FHL2: variants seen among roughly 807,000 people sequenced by gnomAD.
FHL2 encodes the protein four and a half LIM domains protein 2.
A neutral mutation model predicts 32.7 loss-of-function variants in FHL2; 20 were observed. The observed-to-expected ratio is 0.61, with a 90% CI of 0.43 to 0.89. FHL2 has a LOEUF of 0.89. Ranked by LOEUF, FHL2 falls within the 40% of genes least tolerant of loss-of-function variation. The pLI, the probability that FHL2 is intolerant of heterozygous loss-of-function variation, is 0.00. For synonymous variants in FHL2, 123 were observed against 128.1 expected (o/e 0.96, Z 0.27); for missense variants, 311 against 358.6 (o/e 0.87, Z 1.07).
chr2:105,386,604 G>T, intron 2 of FHL2, 64 bp from the exon 3 acceptor site: 1 of 1,415,218 alleles, frequency 7.1e-7, no homozygotes. Context: ...GCACGCAAAG[G>T]CATTAACTGT....
intron 1 of FHL2, 132 bp from the exon 2 acceptor site, chr2:105,396,829 C>A: frequency 2.7e-6 from 2 of 735,900 alleles, no homozygotes; most frequent in South Asian, 1.9e-5. Flanking sequence ...CACAGAAGAA[C>A]CCAATGTCTA....
intron 6 of FHL2, among the ~76,000 whole-genome samples, chr2:105,362,828 A>G (rs1680372007): frequency 6.6e-6 from 1 of 152,238 alleles, no homozygotes; most frequent in African/African-American, 2.4e-5. Context: ...AAAACTCCTT[A>G]GAATGTACCC....
intron 1 of FHL2, among the ~76,000 whole-genome samples, chr2:105,414,066 C>T (rs1476304305): frequency 6.6e-6 from 1 of 152,150 alleles, no homozygotes; most frequent in East Asian, 1.9e-4. Context: ...GGAGGGGGTC[C>T]TAGAACCCCT....
intron 2 of FHL2, among the ~76,000 whole-genome samples, chr2:105,392,259 G>C (rs1444139717): frequency 6.6e-6 from 1 of 152,166 alleles, no homozygotes; most frequent in African/African-American, 2.4e-5. Flanking sequence ...TATCGTTTGA[G>C]CCCTGTAGTT....
intron 2 of FHL2, 98 bp downstream of exon 2, chr2:105,396,549 C>T (rs1020355600): frequency 3.1e-5 from 33 of 1,077,946 alleles, no homozygotes; most frequent in African/African-American, 1.4e-4. Flanking sequence ...GTTTGGGCAC[C>T]GCATGGCCCA....
Position 105,393,972 on chromosome 2 carries a change from G to C in FHL2, c.-25+2675C>G, listed in dbSNP as rs139882902. Among the ~76,000 whole-genome samples, 1,018 of 152,276 alleles carry C rather than the reference G, an allele frequency of 6.7e-3. 22 individuals are homozygous for C. Among genetic ancestry groups the C allele is most frequent in the Admixed American group, 0.048 (741 of 15,286 alleles). On this transcript the variant is annotated intron_variant, in intron 2 of 6. Transcript: ENST00000530340. ...CCAGCTGGGAGTCGTGCCCACTTTG[G>C]GAAGAACGCACAGATCCCCAACACG... is the stretch of plus-strand genomic sequence containing the variant.
At chr2:105,386,924 C>A (rs999506816) in intron 2 of FHL2, among the ~76,000 whole-genome samples, 10 of 151,868 alleles carry the variant, frequency 6.6e-5, no homozygotes, top group Admixed American at 6.6e-4. Context: ...GCCACCACAC[C>A]CAGCTAACTT....
chr2:105,437,906 G>A (rs1684659976), intron 1 of FHL2, among the ~76,000 whole-genome samples: 1 of 152,190 alleles, frequency 6.6e-6, no homozygotes, highest in South Asian at 2.1e-4. Context: ...CTTTCCCAGA[G>A]TAATCAGACT....
chr2:105,431,539 T>G (rs1336368162), intron 1 of FHL2, among the ~76,000 whole-genome samples: 1 of 152,192 alleles, frequency 6.6e-6, no homozygotes, highest in African/African-American at 2.4e-5. Flanking sequence ...GGGCAGTGCT[T>G]GGCACAGCTG....
intron 1 of FHL2, among the ~76,000 whole-genome samples, chr2:105,413,599 G>A (rs990019607): frequency 3.3e-5 from 5 of 152,042 alleles, no homozygotes; most frequent in South Asian, 4.1e-4. Context: ...TCAGCCTCCC[G>A]ACAAGCTGGG....
Position 105,361,099 on chromosome 2 carries a change from T to G in FHL2, c.*184A>C. 1 of 522,526 alleles carries G rather than the reference T, an allele frequency of 1.9e-6. No individual in the cohort carries two copies. The highest frequency in any genetic ancestry group is 3.2e-6 in the Non-Finnish European group (1 of 313,580). The allele number at this position is 522,526 out of a possible 1,614,324, so 32.4% of individuals were successfully genotyped here. ...CCTAGGGCCTAGGGCGAGTTTTCTC[T>G]TTCCCTGGGACTGAACTATCACAAA... On this transcript the variant is annotated 3_prime_UTR_variant, in exon 7 of 7. Coordinates refer to ENST00000530340, the MANE Select transcript of FHL2 (RefSeq NM_001318895.3).
intron 3 of FHL2, chr2:105,375,562 TG>T: frequency 6.6e-6 from 1 of 152,638 alleles, no homozygotes; most frequent in East Asian, 1.9e-4. Flanking sequence ...CGCTTGAACC[TG>T]GGAGGTGGAG....
At chr2:105,428,748 C>A (rs1460764240) in intron 1 of FHL2, among the ~76,000 whole-genome samples, 2 of 152,200 alleles carry the variant, frequency 1.3e-5, no homozygotes, top group Non-Finnish European at 2.9e-5. Context: ...CACTGGAGCA[C>A]TCTGAGCTAG....
chr2:105,437,388 C>T (rs67234427), intron 1 of FHL2, among the ~76,000 whole-genome samples: 15,240 of 151,936 alleles, frequency 0.1, 893 homozygotes, highest in South Asian at 0.2. Flanking sequence ...ATGTATGTAC[C>T]GAACACTCAC....
rs550065013 is a variant in FHL2 at position 105,396,804 on chromosome 2, C to T, written c.-75-107G>A. The T allele has an allele frequency of 1.6e-5, 16 of 972,096 alleles. No individual in the cohort carries two copies. The African/African-American group carries it at 2.2e-4, about 14-fold the overall frequency. The allele number at this position is 972,096 out of a possible 1,614,324, so 60.2% of individuals were successfully genotyped here. ...TAATAAATGTGGCTTTGATCAAATT[C>T]TCATAATAAAACCGCACAGAAGAAC... On this transcript the variant is annotated intron_variant, in intron 1 of 6. Transcript: ENST00000530340.
intron 1 of FHL2, among the ~76,000 whole-genome samples, chr2:105,410,646 T>A (rs1276524643): frequency 6.6e-6 from 1 of 152,152 alleles, no homozygotes; most frequent in Non-Finnish European, 1.5e-5. Context: ...AACCAACACA[T>A]TGGTCTTTCT....
At chr2:105,383,596 C>T (rs1682062313) in intron 3 of FHL2, among the ~76,000 whole-genome samples, 1 of 152,152 alleles carries the variant, frequency 6.6e-6, no homozygotes, top group South Asian at 2.1e-4. Flanking sequence ...ATGAACATGT[C>T]CTTTAGAGGG....
intron 1 of FHL2, among the ~76,000 whole-genome samples, chr2:105,408,908 G>A (rs1042666005): frequency 5.9e-5 from 9 of 152,214 alleles, no homozygotes; most frequent in African/African-American, 1.7e-4. Flanking sequence ...GTTTCAGAGG[G>A]ACCCTACATC....
intron 1 of FHL2, among the ~76,000 whole-genome samples, chr2:105,438,160 A>AC (rs1247892626): frequency 6.6e-6 from 1 of 151,888 alleles, no homozygotes; most frequent in Non-Finnish European, 1.5e-5. Context: ...TCAAGCTGAC[A>AC]CCCCCTGTAG....
Sources: gnomAD v4.1 joint callset for allele counts (sites outside exome capture counted in the v4.1 genomes callset) on GRCh38, gnomAD v4.1.1 for gene constraint, MANE v1.5 for transcripts, NCBI Gene and HGNC (gene_info 2026-07-23, HGNC 2026-07-21) for gene names.